CEP350: variants seen among roughly 807,000 people sequenced by gnomAD.
CEP350 encodes the protein centrosome-associated protein 350.
In CEP350, 126 loss-of-function variants were observed where a neutral mutation model predicts 331.8. The observed-to-expected ratio is 0.38, with a 90% CI of 0.33 to 0.44. The LOEUF is 0.44. CEP350 is among the 20% of genes least tolerant of loss of function. The pLI is 1.00. For missense variants in CEP350, 3,406 were observed against 3,634.6 expected (o/e 0.94, Z 1.62); for synonymous variants, 1,200 against 1,259.5 (o/e 0.95, Z 1.00).
At chr1:179,965,615 C>CTTTTTTTTTTTTTTTTTTTTTTTCT (rs747027286) in intron 1 of CEP350, among the ~76,000 whole-genome samples, 1 of 84,420 alleles carries the variant, frequency 1.2e-5, no homozygotes, top group Non-Finnish European at 2.2e-5. Context: ...TTTTTCTTTT[C>CTTTTTTTTTTTTTTTTTTTTTTTCT]TTTTTTTTTT....
At chr1:179,968,525 A>G (rs1651192628) in intron 1 of CEP350, among the ~76,000 whole-genome samples, 1 of 152,160 alleles carries the variant, frequency 6.6e-6, no homozygotes, top group Non-Finnish European at 1.5e-5. Flanking sequence ...AATTGTTTCC[A>G]TTTCCTTAAA....
At chr1:179,992,620 G>A (rs1653177380) in intron 5 of CEP350, among the ~76,000 whole-genome samples, 1 of 151,224 alleles carries the variant, frequency 6.6e-6, no homozygotes, top group African/African-American at 2.4e-5. Flanking sequence ...TTTTTGGGTA[G>A]CATTAATTAG....
Position 180,015,831 on chromosome 1 carries a change from G to C in CEP350, c.2053-18G>C. 6.2e-7 allele frequency: 1 copy of C among 1,607,808 alleles called. No individual in the cohort carries two copies. Among genetic ancestry groups the C allele is most frequent in the Non-Finnish European group, 8.5e-7 (1 of 1,176,686 alleles). On this transcript the variant is annotated intron_variant, in intron 10 of 37. Coordinates refer to ENST00000367607, the MANE Select transcript of CEP350 (RefSeq NM_014810.5). The stretch of plus-strand genomic sequence containing the variant: ...TTTGTGACAGAACTCATATAAATTT[G>C]ATGTCCTTTTCTCCTAGGCCAAACC...
intron 22 of CEP350, among the ~76,000 whole-genome samples, chr1:180,050,673 C>CAAAAAAAAA (rs4058356): frequency 1.7e-3 from 143 of 83,416 alleles, no homozygotes; most frequent in Non-Finnish European, 2.3e-3. Flanking sequence ...CCAAAAAAAC[C>CAAAAAAAAA]AAAAAAAAAA....
chr1:180,048,230 G>A (rs1657257804), intron 21 of CEP350, among the ~76,000 whole-genome samples: 1 of 152,168 alleles, frequency 6.6e-6, no homozygotes, highest in South Asian at 2.1e-4. Context: ...TGGAAACAGT[G>A]AGTAGTAGCT....
chr1:180,091,182 CTT>C (rs112664451), intron 33 of CEP350, among the ~76,000 whole-genome samples: 17 of 141,830 alleles, frequency 1.2e-4, no homozygotes, highest in Admixed American at 2.8e-4. Context: ...CCCAGCTCAT[CTT>C]TTTTTTTTTT....
At chr1:180,087,332 A>T in intron 31 of CEP350, 1 of 268,058 alleles carries the variant, frequency 3.7e-6, no homozygotes. Flanking sequence ...GTAGATTCGC[A>T]ATGTCATTTC....
intron 11 of CEP350, among the ~76,000 whole-genome samples, chr1:180,018,686 C>T (rs1010657683): frequency 4.6e-5 from 7 of 152,110 alleles, no homozygotes; most frequent in Non-Finnish European, 7.4e-5. Context: ...GTTTGGTTTA[C>T]GATTGCAGCC....
intron 1 of CEP350, among the ~76,000 whole-genome samples, chr1:179,961,471 C>T (rs1042528212): frequency 6.6e-6 from 1 of 151,502 alleles, no homozygotes; most frequent in African/African-American, 2.4e-5. Context: ...TAAAATAAAG[C>T]GCTCACTACC....
chr1:179,990,178 C>A (rs750627814), intron 3 of CEP350, among the ~76,000 whole-genome samples: 1 of 150,362 alleles, frequency 6.7e-6, no homozygotes, highest in Admixed American at 6.6e-5. Flanking sequence ...AGACCGAGAC[C>A]GTCTCAAAAA....
At position 180,020,652 on chromosome 1, in the gene CEP350, A is replaced by G. The variant is rs369244217; in HGVS notation, c.2878A>G (p.Ser960Gly). 30 of 1,613,914 alleles carry G rather than the reference A, an allele frequency of 1.9e-5. No individual in the cohort carries two copies. Among genetic ancestry groups the G allele is most frequent in the Non-Finnish European group, 2.5e-5 (30 of 1,179,908 alleles). The change falls in exon 12 of 38, where the codon AGC (serine) becomes GGC (glycine). Residue 960 changes from serine to glycine, a missense_variant. Ser to Gly is a moderately conservative substitution (Grantham distance 56, BLOSUM62 0). Coordinates refer to ENST00000367607, the MANE Select transcript of CEP350 (RefSeq NM_014810.5). ...ATGTAAAAGGCAGACTGACTCTTCTAGCTCTGATATGCAAGCCTGTTCTCA... is the reference window on the plus strand; with the variant it reads ...ATGTAAAAGGCAGACTGACTCTTCTGGCTCTGATATGCAAGCCTGTTCTCA... The part of the protein sequence containing the change: ...QLCKRQTDSS[S>G]SDMQACSQDK...
chr1:180,062,482 G>A, intron 26 of CEP350, 116 bp downstream of exon 26: 3 of 1,259,552 alleles, frequency 2.4e-6, no homozygotes, highest in Non-Finnish European at 3.1e-6. Flanking sequence ...TAATGAACTA[G>A]GATAAAGTTC....
chr1:180,010,863 G>A (rs940717606), intron 8 of CEP350, among the ~76,000 whole-genome samples: 4 of 152,052 alleles, frequency 2.6e-5, no homozygotes, highest in African/African-American at 9.7e-5. Context: ...TCCTGCCTCA[G>A]CCTCTCAAAG....
At chr1:180,060,317 GT>G (rs145508796) in intron 25 of CEP350, among the ~76,000 whole-genome samples, 4,571 of 152,212 alleles carry the variant, frequency 0.03, 120 homozygotes, top group South Asian at 0.071. Context: ...TTACAGCATT[GT>G]TTGTACAATA....
At chr1:180,099,780 A>ATTTTTTTTTTTTT (rs200255438) in intron 37 of CEP350, among the ~76,000 whole-genome samples, 1 of 119,526 alleles carries the variant, frequency 8.4e-6, no homozygotes, top group South Asian at 2.6e-4. Context: ...GCCTTATTTG[A>ATTTTTTTTTTTTT]TTTTTTTTTT....
intron 25 of CEP350, among the ~76,000 whole-genome samples, chr1:180,055,361 C>T (rs1657753725): frequency 1.3e-5 from 2 of 151,950 alleles, no homozygotes; most frequent in Non-Finnish European, 2.9e-5. Context: ...TTTCACTGTG[C>T]CTGGTAAGTA....
chr1:180,074,710 A>C (rs1659113197), intron 27 of CEP350, among the ~76,000 whole-genome samples: 1 of 152,214 alleles, frequency 6.6e-6, no homozygotes, highest in Non-Finnish European at 1.5e-5. Context: ...ACCTACAAAA[A>C]ATGAATATCT....
intron 37 of CEP350, among the ~76,000 whole-genome samples, chr1:180,100,835 C>T (rs923674226): frequency 3.9e-5 from 6 of 152,170 alleles, no homozygotes; most frequent in African/African-American, 1.2e-4. Context: ...CCCATCAGAT[C>T]TTGTGAGACT....
At chr1:180,037,303 A>G (rs555188556) in intron 17 of CEP350, among the ~76,000 whole-genome samples, 50 of 152,154 alleles carry the variant, frequency 3.3e-4, no homozygotes, top group African/African-American at 1.0e-3. Flanking sequence ...TCTCTCAAAT[A>G]CTTTGTTTTC....
Sources: allele counts gnomAD v4.1 joint callset (sites outside exome capture counted in the v4.1 genomes callset), GRCh38; gene constraint gnomAD v4.1.1; transcripts MANE v1.5; gene names NCBI Gene and HGNC (gene_info 2026-07-23, HGNC 2026-07-21).